The following DOCK4 variants were observed in gnomAD, a reference collection of about 807,000 sequenced individuals.
DOCK4 encodes dedicator of cytokinesis 4.
DOCK4 carries 97 observed loss-of-function variants against 268.1 expected under a neutral mutation model. The observed-to-expected ratio is 0.36, with a 90% CI of 0.31 to 0.43. The LOEUF is 0.43. Among genes scored for constraint, DOCK4 ranks in the 20% least tolerant of loss-of-function variants. DOCK4 has a pLI of 1.00. For missense variants in DOCK4, 2,145 were observed against 2,455.7 expected, an observed-to-expected ratio of 0.87 and a Z score of 2.67; for synonymous variants, 954 against 887.2, an observed-to-expected ratio of 1.08 and a Z score of -1.34.
At chr7:111,790,982 C>T (rs1027855003) in intron 30 of DOCK4, among the ~76,000 whole-genome samples, 22 of 148,938 alleles carry the variant, frequency 1.5e-4, no homozygotes, top group Non-Finnish European at 2.7e-4. Flanking sequence ...GGCATGAACC[C>T]GGGAGGCGGA....
intron 31 of DOCK4, chr7:111,789,014 C>G: frequency 2.0e-6 from 1 of 495,720 alleles, no homozygotes; most frequent in South Asian, 2.7e-5. Flanking sequence ...CAAATGCTTG[C>G]AGCCCAGTTT....
intron 4 of DOCK4, 46 bp from the exon 5 acceptor site, chr7:111,994,277 A>T: frequency 1.5e-6 from 2 of 1,292,900 alleles, no homozygotes; most frequent in Non-Finnish European, 2.2e-6. Context: ...TACCATAGAC[A>T]ACAATTTTGT....
chr7:111,913,107 T>A (rs1246388630), intron 13 of DOCK4, among the ~76,000 whole-genome samples: 1 of 151,022 alleles, frequency 6.6e-6, no homozygotes, highest in East Asian at 2.0e-4. Context: ...GGAATTACAG[T>A]CACATGCCAC....
At chr7:112,138,246 G>C (rs953780114) in intron 1 of DOCK4, among the ~76,000 whole-genome samples, 1 of 152,004 alleles carries the variant, frequency 6.6e-6, no homozygotes, top group Non-Finnish European at 1.5e-5. Flanking sequence ...CTTGACTATA[G>C]TTTTTAGGAA....
chr7:111,880,043 A>G (rs1807252737), intron 16 of DOCK4, among the ~76,000 whole-genome samples: 1 of 152,212 alleles, frequency 6.6e-6, no homozygotes, highest in South Asian at 2.1e-4. Context: ...AGAAATTCCC[A>G]AACCTAGAGA....
chr7:111,866,545 G>C (rs1295866989), intron 22 of DOCK4, among the ~76,000 whole-genome samples: 1 of 152,144 alleles, frequency 6.6e-6, no homozygotes, highest in Admixed American at 6.5e-5. Context: ...CTGTGGGATA[G>C]AGCTCAGAGA....
intron 1 of DOCK4, among the ~76,000 whole-genome samples, chr7:112,055,496 A>T (rs551673952): frequency 6.6e-6 from 1 of 152,310 alleles, no homozygotes; most frequent in South Asian, 2.1e-4. Flanking sequence ...CCACACAAAG[A>T]GTGGCCACAG....
intron 2 of DOCK4, among the ~76,000 whole-genome samples, chr7:112,003,508 A>G (rs1800609228): frequency 6.6e-6 from 1 of 152,252 alleles, no homozygotes; most frequent in Non-Finnish European, 1.5e-5. Flanking sequence ...GCTATCTTAA[A>G]TGAGTTGCCT....
intron 2 of DOCK4, among the ~76,000 whole-genome samples, chr7:112,001,047 A>C (rs2135296518): frequency 6.6e-6 from 1 of 152,302 alleles, no homozygotes; most frequent in Non-Finnish European, 1.5e-5. Flanking sequence ...GCACATCCTT[A>C]AGCCTACGGT....
At chr7:111,851,532 G>T (rs1053325690) in intron 23 of DOCK4, among the ~76,000 whole-genome samples, 1 of 151,742 alleles carries the variant, frequency 6.6e-6, no homozygotes, top group Non-Finnish European at 1.5e-5. Context: ...TCTTAAACAG[G>T]TACAAAACCT....
chr7:112,093,787 T>G (rs1313466065), intron 1 of DOCK4, among the ~76,000 whole-genome samples: 1 of 152,040 alleles, frequency 6.6e-6, no homozygotes, highest in East Asian at 1.9e-4. Flanking sequence ...AAGCTTGCCT[T>G]TTAAAAATTC....
At chr7:111,960,972 T>A (rs1796835928) in intron 8 of DOCK4, among the ~76,000 whole-genome samples, 3 of 152,190 alleles carry the variant, frequency 2.0e-5, no homozygotes, top group African/African-American at 7.2e-5. Context: ...CTATTGTCAA[T>A]AGTGCTGCAG....
At chr7:111,741,357 G>GTTTA (rs1179644969) in intron 46 of DOCK4, 143 bp from the exon 47 acceptor site, 1 of 1,417,590 alleles carries the variant, frequency 7.1e-7, no homozygotes, top group African/African-American at 1.4e-5. Context: ...AAATGTTTGA[G>GTTTA]TTTATTTATT....
chr7:111,813,504 AACAAG>A (rs1801303852), intron 27 of DOCK4, among the ~76,000 whole-genome samples: 1 of 152,216 alleles, frequency 6.6e-6, no homozygotes, highest in Non-Finnish European at 1.5e-5. Context: ...ATGAAAAGGA[AACAAG>A]ACAACCACGA....
At chr7:111,832,511 T>C (rs554948222) in intron 26 of DOCK4, among the ~76,000 whole-genome samples, 1 of 152,266 alleles carries the variant, frequency 6.6e-6, no homozygotes, top group South Asian at 2.1e-4. Context: ...TATTAAATAA[T>C]TCTCCTAGTC....
chr7:111,741,740 G>A (rs1795933813), intron 45 of DOCK4, 79 bp from the exon 46 acceptor site: 3 of 1,515,744 alleles, frequency 2.0e-6, no homozygotes, highest in Non-Finnish European at 2.7e-6. Context: ...TAGCATACTA[G>A]GCACACATCC....
rs148934413 is a variant in DOCK4 at position 111,751,217 on chromosome 7, C to T, written c.4417-3774G>A. Reference sequence around the variant, plus strand: ...TCTAACTACCAATTTACAAGGAATACAGGTGACAGAGAAACATGTTATATG... The same window carrying T: ...TCTAACTACCAATTTACAAGGAATATAGGTGACAGAGAAACATGTTATATG... On this transcript the variant is annotated intron_variant, in intron 42 of 52. Coordinates refer to ENST00000428084, the MANE Select transcript of DOCK4 (RefSeq NM_001363540.2). Among the ~76,000 whole-genome samples, 12 of 152,208 alleles carry T rather than the reference C, an allele frequency of 7.9e-5. No individual in the cohort carries two copies. The East Asian group carries it at 2.3e-3, about 29-fold the overall frequency.
In DOCK4 at chr7:111,900,873, C is replaced by A. The variant is rs988701225; in HGVS notation, c.1318-337G>T. Among the ~76,000 whole-genome samples, 4 of 152,318 alleles carry A rather than the reference C, an allele frequency of 2.6e-5. 1 individual carries two copies. Among genetic ancestry groups the A allele is most frequent in the East Asian group, 1.9e-4 (1 of 5,182 alleles). On this transcript the variant is annotated intron_variant, in intron 14 of 52. Transcript: ENST00000428084. ...GTTTTGTGCCTCAGTAGGTGACTCA[C>A]TACGCCCCAGGGCCAACCTTCTTAT... is the stretch of plus-strand genomic sequence containing the variant.
chr7:111,799,285 T>A (rs909689873), intron 30 of DOCK4, among the ~76,000 whole-genome samples: 1 of 152,190 alleles, frequency 6.6e-6, no homozygotes, highest in Non-Finnish European at 1.5e-5. Flanking sequence ...GGATAAAACT[T>A]ATCAATGTGC....
Sources: allele counts gnomAD v4.1 joint callset (sites outside exome capture counted in the v4.1 genomes callset), GRCh38; gene constraint gnomAD v4.1.1; transcripts MANE v1.5; gene names NCBI Gene and HGNC (gene_info 2026-07-23, HGNC 2026-07-21).